Variants in LARS2 observed in about 807,000 individuals in gnomAD.
LARS2 encodes the protein leucine--tRNA ligase, mitochondrial.
In LARS2, 81 loss-of-function variants were observed where a neutral mutation model predicts 116.6. That is an observed-to-expected ratio of 0.69 (90% CI 0.58 to 0.84). The LOEUF (loss-of-function observed/expected upper bound fraction) is 0.84, where lower values mean the gene tolerates loss of function less well. LARS2 is among the 40% of genes least tolerant of loss of function. LARS2 has a pLI of 0.00. For synonymous variants in LARS2, 396 were observed against 407.2 expected, an observed-to-expected ratio of 0.97 and a Z score of 0.33; for missense variants, 968 against 1,114.5, an observed-to-expected ratio of 0.87 and a Z score of 1.87.
At chr3:45,472,333 G>T (rs1003829931) in intron 8 of LARS2, among the ~76,000 whole-genome samples, 1 of 152,152 alleles carries the variant, frequency 6.6e-6, no homozygotes, top group Non-Finnish European at 1.5e-5. Context: ...AGTGTCAGTG[G>T]GGAAGGGAGT....
chr3:45,420,162 C>T (rs1315647938), intron 6 of LARS2, among the ~76,000 whole-genome samples: 2 of 152,196 alleles, frequency 1.3e-5, no homozygotes, highest in East Asian at 3.8e-4. Context: ...ATTATTCTGT[C>T]ACATATAATC....
At position 45,541,906 on chromosome 3, in the gene LARS2, G is replaced by A. The variant is rs1285934893; in HGVS notation, c.2482G>A (p.Val828Met). The A allele has an allele frequency of 5.6e-6, 9 of 1,614,250 alleles. No individual in the cohort carries two copies. The highest frequency in any genetic ancestry group is 1.7e-5 in the Admixed American group (1 of 60,034). ...ASVLLQAWPA[V>M]DPEFLQQPEV... Reference sequence around the variant, plus strand: ...TGTGCTGCTCCAGGCATGGCCTGCTGTGGACCCGGAGTTCCTGCAGCAGCC... The same window carrying A: ...TGTGCTGCTCCAGGCATGGCCTGCTATGGACCCGGAGTTCCTGCAGCAGCC... Residue 828 changes from valine (V) to methionine (M), a missense_variant, in exon 21 of 22, where the codon GTG (valine) becomes ATG (methionine). By Grantham distance (21) the Val-to-Met change is conservative. Transcript: ENST00000645846.
At chr3:45,433,592 A>G (rs543462208) in intron 6 of LARS2, among the ~76,000 whole-genome samples, 20 of 152,288 alleles carry the variant, frequency 1.3e-4, no homozygotes, top group Admixed American at 9.8e-4. Context: ...TGAAATCCAC[A>G]TAGACAATGA....
chr3:45,411,043 G>A (rs1253736606), intron 4 of LARS2, among the ~76,000 whole-genome samples: 1 of 152,142 alleles, frequency 6.6e-6, no homozygotes, highest in Non-Finnish European at 1.5e-5. Flanking sequence ...ATATACTCAG[G>A]GAATGTTAGA....
chr3:45,517,773 C>A, intron 17 of LARS2, 130 bp from the exon 18 acceptor site: 1 of 677,676 alleles, frequency 1.5e-6, no homozygotes, highest in Non-Finnish European at 2.5e-6. Context: ...AGCCTGCCCT[C>A]AGAGGAATCC....
chr3:45,417,073 C>G (rs1421640336), intron 4 of LARS2, among the ~76,000 whole-genome samples: 1 of 67,698 alleles, frequency 1.5e-5, no homozygotes, highest in Non-Finnish European at 3.5e-5. Context: ...GACTCTGTCT[C>G]AAAAAAAAAA....
intron 6 of LARS2, among the ~76,000 whole-genome samples, 183 bp from the exon 7 acceptor site, chr3:45,446,708 A>G (rs1699024974): frequency 6.6e-6 from 1 of 152,238 alleles, no homozygotes; most frequent in Non-Finnish European, 1.5e-5. Flanking sequence ...GTGGCATTTC[A>G]ATAACATCTC....
intron 4 of LARS2, among the ~76,000 whole-genome samples, chr3:45,407,632 A>G (rs1698252611): frequency 6.6e-6 from 1 of 152,364 alleles, no homozygotes; most frequent in South Asian, 2.1e-4. Flanking sequence ...CTTGGAAATA[A>G]GAAGTGTTGA....
chr3:45,438,664 C>CAAA (rs34358676), intron 6 of LARS2, among the ~76,000 whole-genome samples: 1 of 135,642 alleles, frequency 7.4e-6, no homozygotes. Context: ...CTAAAAATAC[C>CAAA]AAAAAAAAAA....
chr3:45,488,842 G>A, intron 12 of LARS2, 30 bp downstream of exon 12: 1 of 1,306,642 alleles, frequency 7.7e-7, no homozygotes, highest in Non-Finnish European at 1.1e-6. Context: ...CTTCCAGAAT[G>A]ATCACCTTGA....
chr3:45,441,400 A>G (rs918113966), intron 6 of LARS2, among the ~76,000 whole-genome samples: 14 of 152,098 alleles, frequency 9.2e-5, no homozygotes, highest in Admixed American at 4.6e-4. Context: ...TTTGCACACA[A>G]TTGCCTTTTA....
intron 16 of LARS2, 52 bp downstream of exon 16, chr3:45,513,287 A>G: frequency 1.7e-6 from 2 of 1,189,820 alleles, no homozygotes; most frequent in Non-Finnish European, 2.5e-6. Flanking sequence ...AGCCAAGGCC[A>G]GGCCTGAGAG....
At chr3:45,522,104 C>CA (rs1255792074) in intron 19 of LARS2, among the ~76,000 whole-genome samples, 1 of 151,720 alleles carries the variant, frequency 6.6e-6, no homozygotes, top group African/African-American at 2.4e-5. Context: ...GACTCTCTCT[C>CA]AAAAAAATAA....
chr3:45,467,899 C>T (rs1699453928), intron 8 of LARS2, among the ~76,000 whole-genome samples: 1 of 152,042 alleles, frequency 6.6e-6, no homozygotes. Context: ...CCAGCCTGGG[C>T]AACTGGCAAA....
chr3:45,441,136 T>C (rs1698902353), intron 6 of LARS2, among the ~76,000 whole-genome samples: 1 of 151,358 alleles, frequency 6.6e-6, no homozygotes, highest in African/African-American at 2.4e-5. Flanking sequence ...GCAATTCTCC[T>C]GCCTCAGCCA....
At chr3:45,448,524 T>C (rs1334631001) in intron 7 of LARS2, among the ~76,000 whole-genome samples, 1 of 152,102 alleles carries the variant, frequency 6.6e-6, no homozygotes, top group African/African-American at 2.4e-5. Context: ...TATAGAGGTG[T>C]GAAGTGGGAA....
chr3:45,433,014 A>G (rs1398962295), intron 6 of LARS2, among the ~76,000 whole-genome samples: 2 of 152,152 alleles, frequency 1.3e-5, no homozygotes, highest in East Asian at 3.8e-4. Flanking sequence ...GTGTACATTA[A>G]GTGTACTTTA....
intron 4 of LARS2, among the ~76,000 whole-genome samples, chr3:45,401,494 C>T (rs1332468333): frequency 6.6e-6 from 1 of 151,660 alleles, no homozygotes; most frequent in African/African-American, 2.4e-5. Context: ...CAGAGTGAGA[C>T]ACTATCTTAA....
Position 45,491,691 on chromosome 3 carries a change from G to C in LARS2, c.1414G>C (p.Val472Leu). 2 of 1,614,200 alleles carry C rather than the reference G, an allele frequency of 1.2e-6. No homozygotes were observed. The highest frequency in any genetic ancestry group is 1.7e-6 in the Non-Finnish European group (2 of 1,180,016). The change falls in exon 13 of 22, where the codon GTG becomes CTG. Residue 472 changes from valine to leucine, a missense_variant. Coordinates refer to ENST00000645846, the MANE Select transcript of LARS2 (RefSeq NM_015340.4). ...CTGCCCAGTCTGTGGCCCCACACCT[G>C]TGCCCCTGGAGGACTTGCCTGTGAC... is the stretch of plus-strand genomic sequence containing the variant. ...VHCPVCGPTPVPLEDLPVTLP... is the reference protein window; with the variant it reads ...VHCPVCGPTPLPLEDLPVTLP...
Sources: allele counts gnomAD v4.1 joint callset (sites outside exome capture counted in the v4.1 genomes callset), GRCh38; gene constraint gnomAD v4.1.1; transcripts MANE v1.5; gene names NCBI Gene and HGNC (gene_info 2026-07-23, HGNC 2026-07-21).